CDC42BPB: variants seen among roughly 807,000 people sequenced by gnomAD.
CDC42BPB encodes CDC42 binding protein kinase beta, also known as serine/threonine-protein kinase MRCK beta.
In CDC42BPB, 37 loss-of-function variants were observed where a neutral mutation model predicts 214.9. That is an observed-to-expected ratio of 0.17 (90% CI 0.13 to 0.23). The LOEUF (loss-of-function observed/expected upper bound fraction) is 0.23. Ranked by LOEUF, CDC42BPB falls within the 10% of genes least tolerant of loss-of-function variation. The pLI is 1.00. For synonymous variants in CDC42BPB, 931 were observed against 884.0 expected, an observed-to-expected ratio of 1.05 and a Z score of -0.94; for missense variants, 1,694 against 2,227.0, an observed-to-expected ratio of 0.76 and a Z score of 4.82.
Position 102,974,805 on chromosome 14 carries a change from C to T in CDC42BPB, c.1508-656G>A, listed in dbSNP as rs541729384. 2.0e-5 allele frequency among the ~76,000 whole-genome samples: 3 copies of T among 152,098 alleles called. No homozygotes were observed. In the South Asian group the frequency reaches 6.2e-4, roughly 32 times the overall value. On this transcript the variant is annotated intron_variant, in intron 11 of 36. Coordinates refer to ENST00000361246, the MANE Select transcript of CDC42BPB (RefSeq NM_006035.4). ...ATCCTGTCTCTATTTTGTAAAAATA[C>T]AAAAAATTAGCCAGGCGTGGTGGGG...
At chr14:102,974,878 G>A (rs1005614013) in intron 11 of CDC42BPB, among the ~76,000 whole-genome samples, 15 of 152,136 alleles carry the variant, frequency 9.9e-5, no homozygotes, top group South Asian at 2.1e-4. Flanking sequence ...CCCAGGAGGC[G>A]GAGCTTGCAG....
At chr14:102,989,130 A>C (rs1443602734) in intron 5 of CDC42BPB, among the ~76,000 whole-genome samples, 1 of 152,196 alleles carries the variant, frequency 6.6e-6, no homozygotes, top group African/African-American at 2.4e-5. Context: ...GAAAAAACTC[A>C]CATACACACA....
At chr14:103,000,810 C>T (rs373898237) in intron 4 of CDC42BPB, among the ~76,000 whole-genome samples, 20 of 152,310 alleles carry the variant, frequency 1.3e-4, no homozygotes, top group Non-Finnish European at 2.2e-4. Context: ...GTCCTGTTCA[C>T]GCTCCCACCT....
intron 1 of CDC42BPB, among the ~76,000 whole-genome samples, chr14:103,032,365 T>G (rs1300878920): frequency 6.6e-6 from 1 of 152,126 alleles, no homozygotes; most frequent in Non-Finnish European, 1.5e-5. Context: ...GCCTATTTTT[T>G]TTTACATCGA....
At chr14:102,945,033 C>T (rs1892091668) in intron 29 of CDC42BPB, 1 of 309,320 alleles carries the variant, frequency 3.2e-6, no homozygotes, top group African/African-American at 2.2e-5. Context: ...GGCCCCCAGG[C>T]TAACCCAAGC....
At chr14:102,934,469 G>C (rs1052820634) in intron 36 of CDC42BPB, among the ~76,000 whole-genome samples, 1 of 152,104 alleles carries the variant, frequency 6.6e-6, no homozygotes, top group African/African-American at 2.4e-5. Flanking sequence ...GGGAGGCGGA[G>C]CTTGCAGTGA....
At chr14:102,994,313 G>A (rs766528053) in intron 5 of CDC42BPB, among the ~76,000 whole-genome samples, 8 of 152,170 alleles carry the variant, frequency 5.3e-5, no homozygotes, top group South Asian at 2.1e-4. Context: ...CCATTTGCAC[G>A]CACTGGGGGT....
At chr14:102,933,961 C>T (rs1030752289) in intron 36 of CDC42BPB, 118 bp from the exon 37 acceptor site, 9 of 1,415,462 alleles carry the variant, frequency 6.4e-6, no homozygotes, top group Middle Eastern at 3.6e-4. Context: ...CTTCTCCCTT[C>T]ATGTTATGAA....
chr14:103,040,032 A>C (rs951799702), intron 1 of CDC42BPB, among the ~76,000 whole-genome samples: 2 of 152,220 alleles, frequency 1.3e-5, no homozygotes, highest in Non-Finnish European at 2.9e-5. Flanking sequence ...CTGTGAATTT[A>C]ATTAATGCCA....
chr14:103,040,738 G>A (rs545636872), intron 1 of CDC42BPB, among the ~76,000 whole-genome samples: 6 of 152,144 alleles, frequency 3.9e-5, no homozygotes, highest in Non-Finnish European at 8.8e-5. Flanking sequence ...GATTACAGGC[G>A]TGAGCCACCA....
chr14:102,985,436 G>A (rs1346363664), intron 6 of CDC42BPB, among the ~76,000 whole-genome samples: 1 of 150,542 alleles, frequency 6.6e-6, no homozygotes, highest in Admixed American at 6.6e-5. Context: ...TGGTTATACT[G>A]TGACAGGGTG....
intron 1 of CDC42BPB, among the ~76,000 whole-genome samples, chr14:103,047,396 A>T (rs1888352703): frequency 6.6e-6 from 1 of 152,194 alleles, no homozygotes; most frequent in African/African-American, 2.4e-5. Flanking sequence ...AAAGAACATT[A>T]GAGATAAACA....
intron 21 of CDC42BPB, among the ~76,000 whole-genome samples, chr14:102,958,517 A>G (rs10138056): frequency 0.15 from 22,487 of 151,990 alleles, 3,565 homozygotes; most frequent in African/African-American, 0.4. Flanking sequence ...CTGCTCCAAT[A>G]TGCTTTGCGT....
In CDC42BPB at chr14:103,053,532, G is replaced by T. The variant is rs143773378; in HGVS notation, c.175+3467C>A. 4.9e-4 allele frequency among the ~76,000 whole-genome samples: 75 copies of T among 151,596 alleles called. No homozygotes were observed. In the East Asian group the frequency reaches 6.9e-3, roughly 14 times the overall value. ...ATCCAAGAACTTTGGGAGGCCAAGG[G>T]GGGCAGATCACGAGGTCTGGAGATC... On this transcript the variant is annotated intron_variant, in intron 1 of 36. Coordinates refer to ENST00000361246, the MANE Select transcript of CDC42BPB (RefSeq NM_006035.4).
chr14:102,965,954 C>T (rs35646648), intron 18 of CDC42BPB, among the ~76,000 whole-genome samples: 7,172 of 152,020 alleles, frequency 0.047, 567 homozygotes, highest in African/African-American at 0.16. Flanking sequence ...GAGACTGTCG[C>T]GGGAGGAAAA....
chr14:103,004,298 C>A lies in CDC42BPB; in HGVS notation c.352-275G>T. On this transcript the variant is annotated intron_variant, in intron 3 of 36. Coordinates refer to ENST00000361246, the MANE Select transcript of CDC42BPB (RefSeq NM_006035.4). The surrounding 1 kb of genome is among the most constrained non-coding windows in gnomAD (Gnocchi z 5.3). ...TTCTGTGGCTGACACTTAGATTCAC[C>A]CCACCCTTATGTGGATTCCTGACTG... is the stretch of plus-strand genomic sequence containing the variant. 1.5e-6 allele frequency: 1 copy of A among 668,586 alleles called. No homozygotes were observed. 41.4% of individuals were successfully genotyped at this position (668,586 alleles called of 1,614,324 possible). A position where few individuals can be genotyped will look rare whatever the true frequency, so the allele number is the denominator to read the frequency against.
At position 102,962,286 on chromosome 14, in the gene CDC42BPB, T is replaced by C. The variant is rs35543334; in HGVS notation, c.2821+775A>G. On this transcript the variant is annotated intron_variant, in intron 20 of 36. Transcript: ENST00000361246. ...GTACAGGCATGTTTGCCCTTTGCCCTGGCAATCCCACTTCTAGAACTCTAT... is the reference window on the plus strand; with the variant it reads ...GTACAGGCATGTTTGCCCTTTGCCCCGGCAATCCCACTTCTAGAACTCTAT... Among the ~76,000 whole-genome samples the C allele has an allele frequency of 4.6e-5, 7 of 152,338 alleles. No homozygotes were observed. The East Asian group carries it at 1.4e-3, about 29-fold the overall frequency.
intron 1 of CDC42BPB, among the ~76,000 whole-genome samples, chr14:103,035,215 GC>G (rs1361182694): frequency 2.0e-5 from 3 of 152,008 alleles, no homozygotes; most frequent in Non-Finnish European, 4.4e-5. Context: ...GTGCCACCAT[GC>G]CCGGCTAATT....
chr14:103,036,522 C>T (rs1887675847), intron 1 of CDC42BPB, among the ~76,000 whole-genome samples: 1 of 151,976 alleles, frequency 6.6e-6, no homozygotes. Flanking sequence ...ATTCTGACGC[C>T]AAAATATTCC....
Sources: gnomAD v4.1 joint callset for allele counts (sites outside exome capture counted in the v4.1 genomes callset) on GRCh38, gnomAD v4.1.1 for gene constraint, Gnocchi (gnomAD v3.1) non-coding constraint, MANE v1.5 for transcripts, NCBI Gene and HGNC (gene_info 2026-07-23, HGNC 2026-07-21) for gene names.